YTHDF1: variants seen among roughly 807,000 people sequenced by gnomAD.
YTHDF1 encodes the protein YTH domain-containing family protein 1.
In YTHDF1, 16 loss-of-function variants were observed where a neutral mutation model predicts 49.1. The ratio of observed to expected loss-of-function variants is 0.33; its 90% CI spans 0.22 to 0.49. YTHDF1 has a LOEUF of 0.49. YTHDF1 is among the 20% of genes least tolerant of loss of function. YTHDF1 has a pLI of 0.99. For synonymous variants in YTHDF1, 313 were observed against 290.1 expected, an observed-to-expected ratio of 1.08 and a Z score of -0.80; for missense variants, 621 against 744.3, an observed-to-expected ratio of 0.83 and a Z score of 1.93.
In YTHDF1 at chr20:63,196,330, G is replaced by A. The variant is rs1312255030; in HGVS notation, c.*378C>T. ...ACTCTAAATGACAAAATGACTCATGGTTTCTTATGTTTGCTAAAAAGCAAT... is the reference window on the plus strand; with the variant it reads ...ACTCTAAATGACAAAATGACTCATGATTTCTTATGTTTGCTAAAAAGCAAT... On this transcript the variant is annotated 3_prime_UTR_variant, in exon 5 of 5. Coordinates refer to ENST00000370339, the MANE Select transcript of YTHDF1 (RefSeq NM_017798.4). 1.2e-5 allele frequency: 2 copies of A among 167,404 alleles called. No individual in the cohort carries two copies. Among genetic ancestry groups the A allele is most frequent in the Non-Finnish European group, 1.3e-5 (1 of 78,408 alleles). 10.4% of individuals were successfully genotyped at this position (167,404 alleles called of 1,614,324 possible). A position where few individuals can be genotyped will look rare whatever the true frequency, so the allele number is the denominator to read the frequency against.
In YTHDF1 at chr20:63,203,723, C is replaced by A; in HGVS notation, c.217G>T (p.Ala73Ser). ...SIGFPYSLNE[A>S]PWSTAGDPPI... The stretch of plus-strand genomic sequence containing the variant: ...GGGTCCCCTGCAGTAGACCACGGAG[C>A]CTCATTGAGGGAGTAAGGAAATCCA... The change falls in exon 4 of 5, where the codon GCT becomes TCT. Residue 73 changes from alanine (A) to serine (S), a missense_variant. Transcript: ENST00000370339. This position sits in a 1 kb window ranked among gnomAD's most constrained non-coding sequence, Gnocchi z 4.4. The A allele has an allele frequency of 6.2e-7, 1 of 1,614,124 alleles. No individual in the cohort carries two copies. The highest frequency in any genetic ancestry group is 8.5e-7 in the Non-Finnish European group (1 of 1,180,018).
At chr20:63,215,828 C>A in intron 1 of YTHDF1, 38 bp downstream of exon 1, 1 of 1,452,838 alleles carries the variant, frequency 6.9e-7, no homozygotes, top group South Asian at 1.3e-5. Context: ...CCCCGCGCCT[C>A]GGCCCCGGCC....
chr20:63,204,001 C>G (rs1601234904), intron 3 of YTHDF1, among the ~76,000 whole-genome samples, 194 bp from the exon 4 acceptor site: 1 of 152,170 alleles, frequency 6.6e-6, no homozygotes, highest in African/African-American at 2.4e-5. Flanking sequence ...CGAACACAAA[C>G]CAGGGTGCCG....
chr20:63,204,512 C>A (rs2066535817), intron 3 of YTHDF1, among the ~76,000 whole-genome samples: 1 of 152,214 alleles, frequency 6.6e-6, no homozygotes, highest in Admixed American at 6.5e-5. Context: ...TGCAGTAGGC[C>A]CCTGCACAGA....
intron 3 of YTHDF1, 87 bp downstream of exon 3, chr20:63,213,777 A>G (rs922159036): frequency 2.0e-5 from 25 of 1,229,550 alleles, no homozygotes; most frequent in Middle Eastern, 1.9e-4. Flanking sequence ...GTTGTTTAGG[A>G]TAATTTAAAA....
At chr20:63,202,255 G>C in intron 4 of YTHDF1, 32 bp downstream of exon 4, 1 of 1,593,466 alleles carries the variant, frequency 6.3e-7, no homozygotes, top group Non-Finnish European at 8.6e-7. Context: ...GGACACATCT[G>C]CATGGCAGTT....
chr20:63,196,838 G>A, intron 4 of YTHDF1, 104 bp from the exon 5 acceptor site: 1 of 1,374,340 alleles, frequency 7.3e-7, no homozygotes, highest in Non-Finnish European at 1.0e-6. Context: ...TGCAAATCTG[G>A]AGGCGGGACC....
intron 4 of YTHDF1, among the ~76,000 whole-genome samples, chr20:63,200,233 C>A (rs1010086327): frequency 6.6e-6 from 1 of 151,184 alleles, no homozygotes; most frequent in Non-Finnish European, 1.5e-5. Flanking sequence ...CAGTGGTGGG[C>A]GCCTATGATC....
At chr20:63,202,191 C>T (rs1418351327) in intron 4 of YTHDF1, 96 bp downstream of exon 4, 25 of 1,478,072 alleles carry the variant, frequency 1.7e-5, no homozygotes, top group Middle Eastern at 2.5e-4. Flanking sequence ...CTCAGCTCGG[C>T]GGACCTGCCG....
chr20:63,199,493 T>A (rs556238656), intron 4 of YTHDF1, among the ~76,000 whole-genome samples: 10 of 148,730 alleles, frequency 6.7e-5, no homozygotes, highest in Non-Finnish European at 1.3e-4. Context: ...CACTCCAGAC[T>A]GGGCAACAGT....
At position 63,201,085 on chromosome 20, in the gene YTHDF1, A is replaced by T. The variant is rs8119050; in HGVS notation, c.1653+1202T>A. ...CCTAAAACACAGAATTTCAGTAACT[A>T]ATTCAGAATTCAGTAACTGGAAATA... On this transcript the variant is annotated intron_variant, in intron 4 of 4. Transcript: ENST00000370339. 6.5e-3 allele frequency among the ~76,000 whole-genome samples: 988 copies of T among 152,254 alleles called. 9 individuals are homozygous for T. Among genetic ancestry groups the T allele is most frequent in the African/African-American group, 0.023 (941 of 41,544 alleles).
chr20:63,213,738 A>G, intron 3 of YTHDF1, 126 bp downstream of exon 3: 1 of 832,404 alleles, frequency 1.2e-6, no homozygotes, highest in East Asian at 2.9e-5. Flanking sequence ...GCAGTCTATC[A>G]TTCCTAATAC....
At chr20:63,211,133 G>C (rs1489888052) in intron 3 of YTHDF1, among the ~76,000 whole-genome samples, 1 of 147,052 alleles carries the variant, frequency 6.8e-6, no homozygotes, top group East Asian at 2.1e-4. Flanking sequence ...CCTCCAACTG[G>C]CTACTACAAA....
chr20:63,213,753 T>G, intron 3 of YTHDF1, 111 bp downstream of exon 3: 3 of 959,590 alleles, frequency 3.1e-6, no homozygotes, highest in Non-Finnish European at 4.6e-6. Context: ...TAATACTTTA[T>G]AGTCTGCTGC....
chr20:63,200,407 C>G (rs2066512272), intron 4 of YTHDF1, among the ~76,000 whole-genome samples: 3 of 152,002 alleles, frequency 2.0e-5, no homozygotes, highest in African/African-American at 7.2e-5. Context: ...AAACCAGGTT[C>G]TCATTTGTCA....
intron 3 of YTHDF1, among the ~76,000 whole-genome samples, chr20:63,204,571 G>A (rs970141533): frequency 6.6e-6 from 1 of 152,248 alleles, no homozygotes; most frequent in Non-Finnish European, 1.5e-5. Flanking sequence ...CATCCGAAGT[G>A]TGGACTCTGT....
chr20:63,213,776 G>A lies in YTHDF1; in HGVS notation c.132+88C>T, dbSNP rs1209801993. On this transcript the variant is annotated intron_variant, in intron 3 of 4. Coordinates refer to ENST00000370339, the MANE Select transcript of YTHDF1 (RefSeq NM_017798.4). ...TATAGTCTGCTGCTTTGTTGTTTAG[G>A]ATAATTTAAAAATCAGAAATGACAG... The A allele has an allele frequency of 7.4e-6, 9 of 1,214,800 alleles. No individual in the cohort carries two copies. In the East Asian group the frequency reaches 2.0e-4, roughly 26 times the overall value. The allele number at this position is 1,214,800 out of a possible 1,614,324, so 75.3% of individuals were successfully genotyped here. A position where few individuals can be genotyped will look rare whatever the true frequency, so the allele number is the denominator to read the frequency against.
Position 63,202,346 on chromosome 20 carries a change from T to A in YTHDF1, c.1594A>T (p.Ile532Phe). Residue 532 changes from isoleucine to phenylalanine, a missense_variant, in exon 4 of 5, where the codon ATC becomes TTC. This residue lies in a region of YTHDF1 where 151 missense variants were observed against 248.5 expected (regional missense o/e 0.61). Transcript: ENST00000370339. ...TCGTAGTGAGCAAAGTCGTCGAAGATGGAGGTTGTGTGCTTGTAGGAACTG... is the reference window on the plus strand; with the variant it reads ...TCGTAGTGAGCAAAGTCGTCGAAGAAGGAGGTTGTGTGCTTGTAGGAACTG... ...IISSYKHTTS[I>F]FDDFAHYEKR... The A allele has an allele frequency of 1.9e-6, 3 of 1,614,252 alleles. No homozygotes were observed. Among genetic ancestry groups the A allele is most frequent in the Non-Finnish European group, 2.5e-6 (3 of 1,180,030 alleles).
chr20:63,196,815 C>A, intron 4 of YTHDF1, 81 bp from the exon 5 acceptor site: 1 of 1,556,780 alleles, frequency 6.4e-7, no homozygotes, highest in Non-Finnish European at 8.8e-7. Context: ...CGAGGCTGCC[C>A]CTTAGCAGCA....
Sources: allele counts gnomAD v4.1 joint callset (sites outside exome capture counted in the v4.1 genomes callset), GRCh38; gene constraint gnomAD v4.1.1; regional missense constraint gnomAD v4.1.1; non-coding constraint Gnocchi (gnomAD v3.1); transcripts MANE v1.5; gene names NCBI Gene and HGNC (gene_info 2026-07-23, HGNC 2026-07-21).